The following NAT1 variants were observed in gnomAD, a reference collection of about 807,000 sequenced individuals.
The protein encoded by NAT1 is N-acetyltransferase 1, also known as arylamine N-acetyltransferase 1.
For missense variants in NAT1, 400 were observed against 339.2 expected (o/e 1.18, Z -1.41); for synonymous variants, 144 against 122.6 (o/e 1.17, Z -1.16).
At chr8:18,183,745 A>C (rs904448798) in intron 2 of NAT1, among the ~76,000 whole-genome samples, 5 of 152,214 alleles carry the variant, frequency 3.3e-5, no homozygotes, top group Non-Finnish European at 7.3e-5. Flanking sequence ...GGACAGGCAC[A>C]GGATAGACAT....
intron 2 of NAT1, among the ~76,000 whole-genome samples, chr8:18,178,147 C>A (rs7814528): frequency 0.27 from 40,267 of 151,790 alleles, 5,867 homozygotes; most frequent in South Asian, 0.38. Context: ...GAAGAAATAA[C>A]ACCACTAGAG....
intron 2 of NAT1, among the ~76,000 whole-genome samples, chr8:18,180,080 G>C (rs1327682127): frequency 6.6e-6 from 1 of 152,054 alleles, no homozygotes; most frequent in Non-Finnish European, 1.5e-5. Context: ...AGGCATGAAA[G>C]ACAAGGTGTG....
chr8:18,221,119 G>A (rs8190845), intron 2 of NAT1, among the ~76,000 whole-genome samples: 32,664 of 151,990 alleles, frequency 0.21, 4,639 homozygotes, highest in African/African-American at 0.4. Flanking sequence ...TCTCATCTCA[G>A]TCCACTCTCC....
At chr8:18,192,735 C>T (rs551975412) in intron 2 of NAT1, among the ~76,000 whole-genome samples, 14 of 150,960 alleles carry the variant, frequency 9.3e-5, no homozygotes, top group African/African-American at 3.4e-4. Flanking sequence ...TAAACTATCG[C>T]AAGGACAAAA....
chr8:18,192,328 AG>A (rs1215475648), intron 2 of NAT1, among the ~76,000 whole-genome samples: 1 of 152,240 alleles, frequency 6.6e-6, no homozygotes, highest in African/African-American at 2.4e-5. Flanking sequence ...ATCATTAAAA[AG>A]TCAGGAAACT....
intron 2 of NAT1, among the ~76,000 whole-genome samples, chr8:18,198,553 C>T (rs1328754861): frequency 6.6e-6 from 1 of 152,222 alleles, no homozygotes; most frequent in Non-Finnish European, 1.5e-5. Flanking sequence ...TGAAATCGAA[C>T]TTGTGTCAGT....
At chr8:18,174,306 G>C (rs184277672) in intron 2 of NAT1, among the ~76,000 whole-genome samples, 3 of 152,162 alleles carry the variant, frequency 2.0e-5, no homozygotes, top group African/African-American at 4.8e-5. Context: ...ATTTCATCTG[G>C]ACACATTCAG....
At chr8:18,172,820 A>G (rs1331764956) in intron 2 of NAT1, among the ~76,000 whole-genome samples, 1 of 152,132 alleles carries the variant, frequency 6.6e-6, no homozygotes, top group Non-Finnish European at 1.5e-5. Flanking sequence ...ATTTAATTGA[A>G]TTTCTAGACG....
chr8:18,173,655 A>G (rs1052944397), intron 2 of NAT1, among the ~76,000 whole-genome samples: 1 of 152,120 alleles, frequency 6.6e-6, no homozygotes, highest in Non-Finnish European at 1.5e-5. Context: ...TGGTTCTGAC[A>G]CTTTCTTGTT....
At chr8:18,188,544 G>A (rs1044558217) in intron 2 of NAT1, among the ~76,000 whole-genome samples, 3 of 151,792 alleles carry the variant, frequency 2.0e-5, no homozygotes, top group African/African-American at 7.3e-5. Context: ...ATTAAAATTG[G>A]GAAATAGGCA....
At position 18,198,179 on chromosome 8, in the gene NAT1, C is replaced by A. The variant is rs117918127; in HGVS notation, n.93-11602C>A. ...TCCAATCTAGGCAAAAAAAAATCTGCTTTTCTTCCTCCAGAATCAGAGAAA... is the reference window on the plus strand; with the variant it reads ...TCCAATCTAGGCAAAAAAAAATCTGATTTTCTTCCTCCAGAATCAGAGAAA... On this transcript the variant is annotated intron_variant and non_coding_transcript_variant, in intron 2 of 4. Transcript: ENST00000517441. Among the ~76,000 whole-genome samples the A allele has an allele frequency of 1.2e-3, 185 of 151,926 alleles. No homozygotes were observed. The East Asian group carries it at 0.015, about 13-fold the overall frequency.
chr8:18,185,111 T>C (rs990112592), intron 2 of NAT1, among the ~76,000 whole-genome samples: 11 of 151,786 alleles, frequency 7.2e-5, no homozygotes, highest in African/African-American at 2.4e-4. Context: ...GGAGTGATTG[T>C]TCTGTAATTT....
At chr8:18,180,387 A>G (rs1218367495) in intron 2 of NAT1, among the ~76,000 whole-genome samples, 1 of 152,184 alleles carries the variant, frequency 6.6e-6, no homozygotes, top group South Asian at 2.1e-4. Context: ...GCAAGCAGGT[A>G]TGAAGCCTAT....
At chr8:18,186,091 G>A (rs1205933029) in intron 2 of NAT1, among the ~76,000 whole-genome samples, 1 of 151,956 alleles carries the variant, frequency 6.6e-6, no homozygotes, top group East Asian at 1.9e-4. Context: ...AATGTTTTTG[G>A]GTGAAGTTTT....
intron 2 of NAT1, among the ~76,000 whole-genome samples, chr8:18,190,007 C>T (rs1802916585): frequency 6.6e-6 from 1 of 152,182 alleles, no homozygotes; most frequent in Admixed American, 6.6e-5. Context: ...CCAGGCTGGT[C>T]TCGAACTCCT....
At chr8:18,198,975 A>G (rs1402610591) in intron 2 of NAT1, among the ~76,000 whole-genome samples, 1 of 151,394 alleles carries the variant, frequency 6.6e-6, no homozygotes, top group East Asian at 1.9e-4. Flanking sequence ...TTTTTTTTGG[A>G]AAAAAAAGGG....
At chr8:18,187,936 A>AACACACACACACACACACACAC (rs35203470) in intron 2 of NAT1, among the ~76,000 whole-genome samples, 37 of 137,502 alleles carry the variant, frequency 2.7e-4, no homozygotes, top group East Asian at 4.5e-4. Context: ...TTGTATCTTA[A>AACACACACACACACACACACAC]ACACACACAC....
At chr8:18,189,879 T>A (rs1358159091) in intron 2 of NAT1, among the ~76,000 whole-genome samples, 1 of 152,146 alleles carries the variant, frequency 6.6e-6, no homozygotes, top group Non-Finnish European at 1.5e-5. Context: ...AGCCTCCACC[T>A]CCTGGGTTCA....
chr8:18,170,710 G>C (rs1802064256), exon 2 of NAT1: 1 of 152,128 alleles, frequency 6.6e-6, no homozygotes, highest in Non-Finnish European at 1.5e-5. Flanking sequence ...TGAACTTCCA[G>C]TGACCATCCC....
Sources: gnomAD v4.1 joint callset for allele counts (sites outside exome capture counted in the v4.1 genomes callset) on GRCh38, gnomAD v4.1.1 for gene constraint, MANE v1.5 for transcripts, NCBI Gene and HGNC (gene_info 2026-07-23, HGNC 2026-07-21) for gene names.